Variants in ARHGEF4 observed in about 807,000 individuals in gnomAD.
ARHGEF4 encodes the protein APC-stimulated guanine nucleotide exchange factor 1.
A neutral mutation model predicts 162.0 loss-of-function variants in ARHGEF4; 119 were observed. The observed-to-expected ratio is 0.73, with a 90% CI of 0.63 to 0.86. ARHGEF4 has a LOEUF of 0.86. ARHGEF4 is among the 40% of genes least tolerant of loss of function. The probability of loss-of-function intolerance (pLI) is 0.00; values close to 1 mark genes in which losing one functional copy is unlikely to be tolerated. For synonymous variants in ARHGEF4, 1,014 were observed against 979.9 expected, an observed-to-expected ratio of 1.03 and a Z score of -0.65; for missense variants, 2,488 against 2,456.0, an observed-to-expected ratio of 1.01 and a Z score of -0.28.
intron 4 of ARHGEF4, among the ~76,000 whole-genome samples, chr2:130,968,589 G>C (rs1351455800): frequency 6.6e-6 from 1 of 152,212 alleles, no homozygotes; most frequent in Non-Finnish European, 1.5e-5. Context: ...CAAGAAATGA[G>C]GCTAGAGACA....
chr2:130,881,800 C>G (rs1679208145), intron 1 of ARHGEF4, among the ~76,000 whole-genome samples: 1 of 152,068 alleles, frequency 6.6e-6, no homozygotes, highest in African/African-American at 2.4e-5. Flanking sequence ...CCAGTGAGGA[C>G]CACAGGCTGG....
At chr2:131,018,697 C>T (rs1319838989) in intron 4 of ARHGEF4, among the ~76,000 whole-genome samples, 1 of 152,164 alleles carries the variant, frequency 6.6e-6, no homozygotes, top group Non-Finnish European at 1.5e-5. Context: ...AAGCTTTCCC[C>T]TGTTTTCTTC....
Position 131,035,345 on chromosome 2 carries a change from T to TCGCG in ARHGEF4, c.4126-3507_4126-3504dup, listed in dbSNP as rs931017025. On this transcript the variant is annotated intron_variant, in intron 5 of 13. Transcript: ENST00000409359. The stretch of plus-strand genomic sequence containing the variant: ...TTGCCACCCGCGGCCTCCGCACTGG[T>TCGCG]CGCGGAGGGAAGGCCTCCTTCCACC... 3 of 1,116,890 alleles carry TCGCG rather than the reference T, an allele frequency of 2.7e-6. No individual in the cohort carries two copies. The African/African-American group carries it at 4.9e-5, about 18-fold the overall frequency. 69.2% of individuals were successfully genotyped at this position (1,116,890 alleles called of 1,614,324 possible). A position where few individuals can be genotyped will look rare whatever the true frequency, so the allele number is the denominator to read the frequency against.
intron 4 of ARHGEF4, among the ~76,000 whole-genome samples, chr2:130,966,613 G>C (rs1014491963): frequency 1.3e-5 from 2 of 152,250 alleles, no homozygotes; most frequent in Non-Finnish European, 2.9e-5. Context: ...GATGTAACGT[G>C]ATGAGGCTCT....
intron 1 of ARHGEF4, among the ~76,000 whole-genome samples, chr2:130,848,267 G>A (rs2104874222): frequency 6.6e-6 from 1 of 152,314 alleles, no homozygotes; most frequent in East Asian, 1.9e-4. Context: ...CTCAGGCCAG[G>A]ATCGCGTCTG....
chr2:130,999,988 C>T (rs1329978277), intron 4 of ARHGEF4, among the ~76,000 whole-genome samples: 2 of 152,200 alleles, frequency 1.3e-5, no homozygotes, highest in Admixed American at 6.5e-5. Flanking sequence ...GGATTACAGG[C>T]GTAAGCCACC....
intron 4 of ARHGEF4, among the ~76,000 whole-genome samples, chr2:130,949,440 A>G (rs1238818789): frequency 6.6e-6 from 1 of 151,346 alleles, no homozygotes; most frequent in Non-Finnish European, 1.5e-5. Context: ...TGCAAACTCC[A>G]CCTCCTGGGT....
intron 4 of ARHGEF4, among the ~76,000 whole-genome samples, chr2:131,012,434 A>G (rs148088186): frequency 8.5e-4 from 129 of 152,298 alleles, no homozygotes; most frequent in African/African-American, 3.0e-3. Context: ...CCAAAAGTGA[A>G]CGCAAGCCTG....
chr2:130,955,542 A>G (rs988321630), intron 4 of ARHGEF4, among the ~76,000 whole-genome samples: 8 of 152,184 alleles, frequency 5.3e-5, no homozygotes, highest in African/African-American at 1.9e-4. Flanking sequence ...AGCACTGGGT[A>G]TGCCCACAGT....
At chr2:131,013,944 C>A (rs948382384) in intron 4 of ARHGEF4, among the ~76,000 whole-genome samples, 1 of 152,134 alleles carries the variant, frequency 6.6e-6, no homozygotes, top group Non-Finnish European at 1.5e-5. Flanking sequence ...CTACCATGAA[C>A]AATGATGGTG....
chr2:130,966,465 G>A (rs749368550), intron 4 of ARHGEF4, among the ~76,000 whole-genome samples: 54 of 152,230 alleles, frequency 3.5e-4, no homozygotes, highest in Admixed American at 1.2e-3. Flanking sequence ...AGAGAAGGGA[G>A]GTTACCTTTT....
Position 131,046,132 on chromosome 2 carries a change from G to C in ARHGEF4, c.5574G>C (p.Arg1858Ser). The C allele has an allele frequency of 6.2e-7, 1 of 1,612,996 alleles. No homozygotes were observed. Residue 1858 changes from arginine (R) to serine (S), a missense_variant, in exon 14 of 14, where the codon AGG (arginine) becomes AGC (serine). Physicochemically the swap from Arg to Ser is moderately radical, Grantham distance 110. Transcript: ENST00000409359. ...AGGTCCTGGTGCTGGCGGAGCCCAG[G>C]CGCAAGCCATCTACCTTCTGGCACA... ...QQQVLVLAEP[R>S]RKPSTFWHSI...
chr2:131,037,813 T>C (rs1690418350), intron 5 of ARHGEF4, among the ~76,000 whole-genome samples: 1 of 152,122 alleles, frequency 6.6e-6, no homozygotes, highest in African/African-American at 2.4e-5. Context: ...GAGAGAAGCA[T>C]GTGAAGAATG....
intron 1 of ARHGEF4, among the ~76,000 whole-genome samples, chr2:130,882,793 A>G (rs1389354788): frequency 6.6e-6 from 1 of 151,954 alleles, no homozygotes; most frequent in Admixed American, 6.5e-5. Flanking sequence ...GGGTGCAGGC[A>G]GGAGGGCCAG....
At chr2:131,033,914 A>G (rs572889661) in intron 5 of ARHGEF4, among the ~76,000 whole-genome samples, 1 of 152,156 alleles carries the variant, frequency 6.6e-6, no homozygotes, top group Non-Finnish European at 1.5e-5. Context: ...AGGTACCCAT[A>G]TGTATATACA....
At chr2:131,024,563 C>T (rs180775329) in intron 4 of ARHGEF4, among the ~76,000 whole-genome samples, 4 of 152,330 alleles carry the variant, frequency 2.6e-5, no homozygotes, top group African/African-American at 7.2e-5. Context: ...GCGTGAGCCA[C>T]CGCACCTGCC....
chr2:130,936,265 G>A (rs912606330), intron 3 of ARHGEF4, among the ~76,000 whole-genome samples: 2 of 152,138 alleles, frequency 1.3e-5, no homozygotes, highest in Non-Finnish European at 2.9e-5. Context: ...GTTTATTATT[G>A]GAAGGGTGTT....
At chr2:130,929,881 C>A in intron 2 of ARHGEF4, 1 of 146,106 alleles carries the variant, frequency 6.8e-6, no homozygotes, top group South Asian at 2.2e-4. Flanking sequence ...CTTAGTCCTC[C>A]AGTATAGATA....
chr2:131,006,252 G>A lies in ARHGEF4; in HGVS notation c.3986-21693G>A, dbSNP rs180809449. Among the ~76,000 whole-genome samples the A allele has an allele frequency of 1.7e-4, 26 of 152,290 alleles. No individual in the cohort carries two copies. In the East Asian group the frequency reaches 3.1e-3, roughly 18 times the overall value. ...AGAGCCTCCAGAAAGGGACACAGCC[G>A]CGATGACACCTTAATTTAGGCTCTC... On this transcript the variant is annotated intron_variant, in intron 4 of 13. Transcript: ENST00000409359.
Sources: allele counts gnomAD v4.1 joint callset (sites outside exome capture counted in the v4.1 genomes callset), GRCh38; gene constraint gnomAD v4.1.1; transcripts MANE v1.5; gene names NCBI Gene and HGNC (gene_info 2026-07-23, HGNC 2026-07-21).